The following EVL variants were observed in gnomAD, a reference collection of about 807,000 sequenced individuals.
EVL encodes Enah/Vasp-like, also known as ena/VASP-like protein.
A neutral mutation model predicts 59.6 loss-of-function variants in EVL; 21 were observed. The ratio of observed to expected loss-of-function variants is 0.35; its 90% CI spans 0.25 to 0.51. The LOEUF (loss-of-function observed/expected upper bound fraction) is 0.51, where lower values mean the gene tolerates loss of function less well. EVL is among the 20% of genes least tolerant of loss of function. The probability of loss-of-function intolerance (pLI) is 0.97; values close to 1 mark genes in which losing one functional copy is unlikely to be tolerated. For synonymous variants in EVL, 198 were observed against 203.5 expected, an observed-to-expected ratio of 0.97 and a Z score of 0.23; for missense variants, 462 against 546.6, an observed-to-expected ratio of 0.85 and a Z score of 1.54.
At chr14:100,115,991 G>A (rs994804239) in intron 3 of EVL, among the ~76,000 whole-genome samples, 1 of 152,254 alleles carries the variant, frequency 6.6e-6, no homozygotes, top group Non-Finnish European at 1.5e-5. Flanking sequence ...CCTGGGCCGG[G>A]AGACATTTGT....
chr14:100,086,282 T>G (rs2062441495), intron 2 of EVL, among the ~76,000 whole-genome samples: 1 of 152,208 alleles, frequency 6.6e-6, no homozygotes, highest in African/African-American at 2.4e-5. Context: ...AGATCTGCCT[T>G]TCAGTGACAC....
At chr14:99,990,631 A>G (rs757758982) in intron 1 of EVL, among the ~76,000 whole-genome samples, 23 of 152,190 alleles carry the variant, frequency 1.5e-4, no homozygotes, top group African/African-American at 9.7e-5. Context: ...TTCACTTAGC[A>G]TAATGTCCTT....
At chr14:100,098,550 A>C (rs1885979090) in intron 3 of EVL, among the ~76,000 whole-genome samples, 1 of 152,234 alleles carries the variant, frequency 6.6e-6, no homozygotes. Flanking sequence ...GGGGCTAGCA[A>C]AAAGTTTCTC....
rs1434812614 is a variant in EVL at position 100,109,677 on chromosome 14, G to A, written c.358+12019G>A. ...TGTGAAACTGGGCTCAAGGTGAGGG[G>A]TGCTATCTGTGATTGAGGGACATGG... On this transcript the variant is annotated intron_variant, in intron 3 of 13. Transcript: ENST00000392920. This position sits in a 1 kb window ranked among gnomAD's most constrained non-coding sequence, Gnocchi z 4.3. 5.6e-6 allele frequency: 3 copies of A among 532,110 alleles called. No individual in the cohort carries two copies. The highest frequency in any genetic ancestry group is 5.4e-5 in the East Asian group (1 of 18,366). 33.0% of individuals were successfully genotyped at this position (532,110 alleles called of 1,614,324 possible).
intron 1 of EVL, among the ~76,000 whole-genome samples, chr14:100,020,325 C>G (rs1272464072): frequency 6.6e-6 from 1 of 152,132 alleles, no homozygotes; most frequent in East Asian, 1.9e-4. Context: ...CTCCAGGAAT[C>G]TATCCCTGTA....
At chr14:100,022,278 GTTT>G (rs60834825) in intron 1 of EVL, among the ~76,000 whole-genome samples, 3 of 129,172 alleles carry the variant, frequency 2.3e-5, no homozygotes, top group Non-Finnish European at 1.7e-5. Flanking sequence ...TTCTTGGTTT[GTTT>G]TTTTTTTTTT....
rs935307541 is a variant in EVL at position 100,097,678 on chromosome 14, G to A, written c.358+20G>A. The A allele has an allele frequency of 6.3e-7, 1 of 1,587,842 alleles. No individual in the cohort carries two copies. Among genetic ancestry groups the A allele is most frequent in the Non-Finnish European group, 8.6e-7 (1 of 1,166,346 alleles). On this transcript the variant is annotated intron_variant, in intron 3 of 13. Coordinates refer to ENST00000392920, the MANE Select transcript of EVL (RefSeq NM_016337.3). ...AAGGAGGTAAGTAGGGCTTTGTCTT[G>A]GCCTGATGCTGAGACCCTCTCTTGT...
chr14:100,144,121 A>C lies in EVL; in HGVS notation c.*383A>C. Reference sequence around the variant, plus strand: ...ACAGCCGGCCCAGCGTGGCGCCACCACACACCGCAGAGCTGTCCAGGCACA... The same window carrying C: ...ACAGCCGGCCCAGCGTGGCGCCACCCCACACCGCAGAGCTGTCCAGGCACA... On this transcript the variant is annotated 3_prime_UTR_variant, in exon 14 of 14. Transcript: ENST00000392920. 1 of 311,680 alleles carries C rather than the reference A, an allele frequency of 3.2e-6. No individual in the cohort carries two copies. Among genetic ancestry groups the C allele is most frequent in the Non-Finnish European group, 6.1e-6 (1 of 164,920 alleles). 19.3% of individuals were successfully genotyped at this position (311,680 alleles called of 1,614,324 possible). A position where few individuals can be genotyped will look rare whatever the true frequency, so the allele number is the denominator to read the frequency against.
At chr14:100,100,930 G>T (rs530461884) in intron 3 of EVL, among the ~76,000 whole-genome samples, 2 of 152,186 alleles carry the variant, frequency 1.3e-5, no homozygotes, top group South Asian at 4.1e-4. Context: ...CATTTTCCAC[G>T]ATTATCCTCA....
chr14:100,123,390 C>T (rs552896489), intron 3 of EVL, 149 bp from the exon 4 acceptor site: 1 of 682,910 alleles, frequency 1.5e-6, no homozygotes, highest in Non-Finnish European at 2.6e-6. Flanking sequence ...GAGTGATGCA[C>T]AGGTGTGAGT....
At chr14:100,083,467 C>T (rs1316864478) in intron 1 of EVL, among the ~76,000 whole-genome samples, 2 of 151,124 alleles carry the variant, frequency 1.3e-5, no homozygotes, top group Non-Finnish European at 2.9e-5. Context: ...AAGAAATAAA[C>T]GAGTATTGCT....
chr14:100,037,505 T>C (rs2061405901), intron 1 of EVL, among the ~76,000 whole-genome samples: 1 of 152,248 alleles, frequency 6.6e-6, no homozygotes, highest in Non-Finnish European at 1.5e-5. Flanking sequence ...TAACTGGATT[T>C]GTCAGTCCCT....
intron 1 of EVL, among the ~76,000 whole-genome samples, chr14:99,989,368 A>G (rs1287711609): frequency 6.6e-6 from 1 of 152,092 alleles, no homozygotes; most frequent in Non-Finnish European, 1.5e-5. Context: ...CACCATAATT[A>G]TATTCCACTT....
intron 1 of EVL, among the ~76,000 whole-genome samples, chr14:100,046,440 G>A (rs1399391847): frequency 6.6e-6 from 1 of 152,138 alleles, no homozygotes; most frequent in Non-Finnish European, 1.5e-5. Flanking sequence ...GCCCAGGCGG[G>A]CAGATCACTT....
At position 100,128,589 on chromosome 14, in the gene EVL, G is replaced by T; in HGVS notation, c.558G>T (p.Pro186=). The T allele has an allele frequency of 6.0e-6, 5 of 831,680 alleles. No homozygotes were observed. Among genetic ancestry groups the T allele is most frequent in the Non-Finnish European group, 5.1e-6 (3 of 590,724 alleles). 51.5% of individuals were successfully genotyped at this position (831,680 alleles called of 1,614,324 possible). Residue 186 remains proline (P), a synonymous_variant, in exon 6 of 14, where the codon CCG becomes CCT. Coordinates refer to ENST00000392920, the MANE Select transcript of EVL (RefSeq NM_016337.3). The part of the protein sequence containing the change: ...SAPVSCSGPP[P]PPPPPVPPPP... ...CCGTCTCATGTAGTGGGCCTCCACC[G>T]CCCCCCCCACCCCCAGTCCCACCTC...
intron 1 of EVL, among the ~76,000 whole-genome samples, chr14:100,025,692 C>A (rs2061198382): frequency 6.6e-6 from 1 of 152,164 alleles, no homozygotes; most frequent in Non-Finnish European, 1.5e-5. Context: ...CTTTGGGAGG[C>A]AGAGGCGGGT....
chr14:100,044,658 A>C (rs940061498), intron 1 of EVL, among the ~76,000 whole-genome samples: 19 of 152,178 alleles, frequency 1.2e-4, no homozygotes, highest in Non-Finnish European at 2.5e-4. Context: ...GTGGGTATCT[A>C]ATTCCCAGGC....
intron 2 of EVL, among the ~76,000 whole-genome samples, chr14:100,091,467 AAAGT>A (rs2062563026): frequency 6.6e-6 from 1 of 151,966 alleles, no homozygotes; most frequent in African/African-American, 2.4e-5. Context: ...CCCATCCAGT[AAAGT>A]CTCCATAAAA....
chr14:100,028,134 G>GTTTGT lies in EVL; in HGVS notation c.5+56080_5+56081insGTTTT, dbSNP rs1406304631. On this transcript the variant is annotated intron_variant, in intron 1 of 13. Coordinates refer to the EVL transcript ENST00000402714. ...CTTTTAGTTGTTTTTTTGTTTGTTT[G>GTTTGT]TTTTTTTTTTTTTTTTTGAGGAACC... is the stretch of plus-strand genomic sequence containing the variant. Among the ~76,000 whole-genome samples, 247 of 118,762 alleles carry GTTTGT rather than the reference G, an allele frequency of 2.1e-3. 3 individuals carry two copies. The highest frequency in any genetic ancestry group is 5.8e-3 in the African/African-American group (174 of 30,232). 77.9% of individuals were successfully genotyped at this position (118,762 alleles called of 152,430 possible). A position where few individuals can be genotyped will look rare whatever the true frequency, so the allele number is the denominator to read the frequency against.
Sources: gnomAD v4.1 joint callset for allele counts (sites outside exome capture counted in the v4.1 genomes callset) on GRCh38, gnomAD v4.1.1 for gene constraint, Gnocchi (gnomAD v3.1) non-coding constraint, MANE v1.5 for transcripts, NCBI Gene and HGNC (gene_info 2026-07-23, HGNC 2026-07-21) for gene names.